Variants in SLC39A9 observed in about 807,000 individuals in gnomAD.
SLC39A9 encodes solute carrier family 39 member 9.
A neutral mutation model predicts 28.4 loss-of-function variants in SLC39A9; 14 were observed. The observed-to-expected ratio is 0.49, with a 90% CI of 0.33 to 0.77. SLC39A9 has a LOEUF of 0.77. SLC39A9 is among the 30% of genes least tolerant of loss of function. SLC39A9 has a pLI of 0.02. For synonymous variants in SLC39A9, 119 were observed against 149.6 expected, an observed-to-expected ratio of 0.80 and a Z score of 1.49; for missense variants, 283 against 381.1, an observed-to-expected ratio of 0.74 and a Z score of 2.14.
At chr14:69,420,976 C>T (rs965770846) in intron 1 of SLC39A9, among the ~76,000 whole-genome samples, 19 of 152,316 alleles carry the variant, frequency 1.2e-4, no homozygotes, top group African/African-American at 4.3e-4. Context: ...TTTTACTGAC[C>T]TTCTGAAGCC....
chr14:69,459,686 A>G lies in SLC39A9; in HGVS notation c.*1093A>G, dbSNP rs1350354429. 4.1e-6 allele frequency: 4 copies of G among 985,020 alleles called. No homozygotes were observed. Among genetic ancestry groups the G allele is most frequent in the Non-Finnish European group, 4.8e-6 (4 of 829,818 alleles). 61.0% of individuals were successfully genotyped at this position (985,020 alleles called of 1,614,324 possible). On this transcript the variant is annotated 3_prime_UTR_variant, in exon 7 of 7. Coordinates refer to ENST00000336643, the MANE Select transcript of SLC39A9 (RefSeq NM_018375.5). ...GTAGCAAGATGGATCATAAATGAGA[A>G]GTGTTTGCCTATTGATTTAAAGCTT...
rs1402907768 is a variant in SLC39A9, at chr14:69,399,473, A to G, written c.96+8A>G. ...GCTGTTAATTTCTCAGAGGTAAGAA[A>G]TTCTCAATTTTCTGTCAGCTGTCAG... On this transcript the variant is annotated splice_region_variant and intron_variant, in intron 1 of 6. Transcript: ENST00000336643. 4 of 1,612,464 alleles carry G rather than the reference A, an allele frequency of 2.5e-6. No individual in the cohort carries two copies. The highest frequency in any genetic ancestry group is 3.4e-6 in the Non-Finnish European group (4 of 1,178,774).
intron 1 of SLC39A9, among the ~76,000 whole-genome samples, chr14:69,412,262 G>A (rs922132016): frequency 4.0e-5 from 6 of 151,614 alleles, no homozygotes; most frequent in East Asian, 2.0e-4. Flanking sequence ...GGTGGCGGGC[G>A]CCTATAGTCC....
chr14:69,455,892 T>TA lies in SLC39A9; in HGVS notation c.693+29dup, dbSNP rs759841225. ...GTAAGCTAATCTATTCCCAGCTATC[T>TA]AAACCAGTGTCTTGTGATCTCTTAG... On this transcript the variant is annotated intron_variant, in intron 6 of 6. Transcript: ENST00000336643. 12 of 1,608,758 alleles carry TA rather than the reference T, an allele frequency of 7.5e-6. No homozygotes were observed. The African/African-American group carries it at 1.6e-4, about 22-fold the overall frequency.
intron 3 of SLC39A9, among the ~76,000 whole-genome samples, chr14:69,452,855 C>G (rs1470809457): frequency 6.6e-6 from 1 of 152,094 alleles, no homozygotes; most frequent in Non-Finnish European, 1.5e-5. Flanking sequence ...AAGAAATGAT[C>G]AGAGGCCATA....
chr14:69,417,708 C>A (rs540934637), intron 1 of SLC39A9, among the ~76,000 whole-genome samples: 59 of 152,216 alleles, frequency 3.9e-4, no homozygotes, highest in African/African-American at 1.3e-3. Flanking sequence ...AATTTGGATT[C>A]CTAGGTATTT....
chr14:69,442,282 G>T lies in SLC39A9; in HGVS notation c.403+16G>T. The stretch of plus-strand genomic sequence containing the variant: ...TCTACTGACGGTGAGTGGCTCCAAG[G>T]CTTTCTGGGCAGTGCAATACATTTG... On this transcript the variant is annotated intron_variant, in intron 3 of 6. Transcript: ENST00000336643. 1 of 1,611,802 alleles carries T rather than the reference G, an allele frequency of 6.2e-7. No homozygotes were observed. The highest frequency in any genetic ancestry group is 8.5e-7 in the Non-Finnish European group (1 of 1,178,010).
intron 1 of SLC39A9, among the ~76,000 whole-genome samples, chr14:69,416,306 C>G (rs1883578278): frequency 6.6e-6 from 1 of 152,172 alleles, no homozygotes; most frequent in African/African-American, 2.4e-5. Context: ...TGAACTCATC[C>G]TTTTTCATGG....
chr14:69,398,523 A>T, upstream of SLC39A9: 1 of 552,950 alleles, frequency 1.8e-6, no homozygotes, highest in Non-Finnish European at 3.3e-6. Flanking sequence ...TTTCGTTATT[A>T]AACATACGGC....
At chr14:69,443,483 C>T (rs549594662) in intron 3 of SLC39A9, among the ~76,000 whole-genome samples, 9 of 152,194 alleles carry the variant, frequency 5.9e-5, no homozygotes, top group Non-Finnish European at 1.2e-4. Context: ...TAAAGATAAT[C>T]TACAACTGTA....
chr14:69,451,996 A>C (rs1885634589), intron 3 of SLC39A9, among the ~76,000 whole-genome samples: 1 of 151,982 alleles, frequency 6.6e-6, no homozygotes. Flanking sequence ...GATTACAGGC[A>C]TGAGCCACCA....
intron 2 of SLC39A9, among the ~76,000 whole-genome samples, chr14:69,431,051 A>G (rs899547521): frequency 1.3e-5 from 2 of 152,236 alleles, no homozygotes; most frequent in African/African-American, 4.8e-5. Flanking sequence ...AGATTAATCT[A>G]TAAATTTGGG....
intron 3 of SLC39A9, among the ~76,000 whole-genome samples, chr14:69,449,914 A>G (rs1344322816): frequency 2.6e-5 from 4 of 152,046 alleles, no homozygotes; most frequent in Non-Finnish European, 5.9e-5. Context: ...GGGGCTGGGC[A>G]CGGTGGCTCA....
Position 69,461,446 on chromosome 14 carries a change from C to A in SLC39A9, c.*2853C>A. 1.5e-6 allele frequency: 2 copies of A among 1,337,838 alleles called. No individual in the cohort carries two copies. Among genetic ancestry groups the A allele is most frequent in the Non-Finnish European group, 1.9e-6 (2 of 1,039,770 alleles). The allele number at this position is 1,337,838 out of a possible 1,614,324, so 82.9% of individuals were successfully genotyped here. ...TTTTAGCAAAGATTCTGCACTGGAA[C>A]GTAGACAGTTGGAAACAGTACTACC... On this transcript the variant is annotated 3_prime_UTR_variant, in exon 7 of 7. Transcript: ENST00000336643.
At chr14:69,422,585 GT>G (rs1883959705) in intron 1 of SLC39A9, among the ~76,000 whole-genome samples, 1 of 151,806 alleles carries the variant, frequency 6.6e-6, no homozygotes, top group African/African-American at 2.4e-5. Flanking sequence ...CTCCTTGCCG[GT>G]TTTTTTGTTT....
rs576168163 is a variant in SLC39A9, at chr14:69,413,682, A to G, written c.97-10412A>G. ...TGTTGCTGAGGGATTTTGCTGATTC[A>G]TACTATTTTGAAAGGTTGCATGAAT... is the stretch of plus-strand genomic sequence containing the variant. On this transcript the variant is annotated intron_variant, in intron 1 of 6. Transcript: ENST00000336643. Among the ~76,000 whole-genome samples, 177 of 152,038 alleles carry G rather than the reference A, an allele frequency of 1.2e-3. 2 individuals carry two copies. The highest frequency in any genetic ancestry group is 4.0e-3 in the African/African-American group (165 of 41,490).
At chr14:69,449,364 C>T (rs946288295) in intron 3 of SLC39A9, among the ~76,000 whole-genome samples, 1 of 152,182 alleles carries the variant, frequency 6.6e-6, no homozygotes, top group Non-Finnish European at 1.5e-5. Flanking sequence ...TGACTCACGC[C>T]TGTAATCCCA....
chr14:69,411,122 G>C (rs1594904460), intron 1 of SLC39A9, among the ~76,000 whole-genome samples: 1 of 146,204 alleles, frequency 6.8e-6, no homozygotes, highest in African/African-American at 2.5e-5. Context: ...TAAGGCAGGA[G>C]AATCGCTTGA....
intron 3 of SLC39A9, among the ~76,000 whole-genome samples, chr14:69,450,193 TAAAAA>T (rs71102655): frequency 3.5e-5 from 5 of 143,368 alleles, no homozygotes; most frequent in African/African-American, 1.3e-4. Flanking sequence ...CATCTCAAAA[TAAAAA>T]AAAAAGGAAG....
Sources: allele counts gnomAD v4.1 joint callset (sites outside exome capture counted in the v4.1 genomes callset), GRCh38; gene constraint gnomAD v4.1.1; transcripts MANE v1.5; gene names NCBI Gene and HGNC (gene_info 2026-07-23, HGNC 2026-07-21).